Variants in CSRNP3 observed in about 807,000 individuals in gnomAD.
The protein encoded by CSRNP3 is cysteine and serine rich nuclear protein 3.
CSRNP3 carries 12 observed loss-of-function variants against 48.0 expected under a neutral mutation model. The observed-to-expected ratio is 0.25, with a 90% CI of 0.16 to 0.41. The LOEUF (loss-of-function observed/expected upper bound fraction) is 0.41. CSRNP3 is among the 10% of genes least tolerant of loss of function. The pLI, the probability that CSRNP3 is intolerant of heterozygous loss-of-function variation, is 1.00. For missense variants in CSRNP3, 580 were observed against 724.4 expected (o/e 0.80, Z 2.29); for synonymous variants, 263 against 269.7 (o/e 0.98, Z 0.24).
chr2:165,599,509 T>G (rs1442081011), intron 4 of CSRNP3, among the ~76,000 whole-genome samples: 1 of 152,096 alleles, frequency 6.6e-6, no homozygotes, highest in Non-Finnish European at 1.5e-5. Flanking sequence ...CAGACTGGTC[T>G]CAAACTACTG....
chr2:165,477,373 C>G (rs1402754289), intron 1 of CSRNP3, among the ~76,000 whole-genome samples: 4 of 150,242 alleles, frequency 2.7e-5, no homozygotes, highest in African/African-American at 7.3e-5. Flanking sequence ...AATCCCAGCA[C>G]TTTGGGAGGC....
At chr2:165,651,834 T>G (rs920828507) in intron 4 of CSRNP3, among the ~76,000 whole-genome samples, 2 of 152,032 alleles carry the variant, frequency 1.3e-5, no homozygotes, top group Non-Finnish European at 1.5e-5. Context: ...TTTTGTATTT[T>G]TAGTAGAGAC....
At chr2:165,599,284 A>AGAAAGAAAGAAAGAAAGAAC (rs1685864571) in intron 4 of CSRNP3, among the ~76,000 whole-genome samples, 1 of 5,100 alleles carries the variant, frequency 2.0e-4, no homozygotes, top group South Asian at 0.011. Flanking sequence ...AGAGAGAGAG[A>AGAAAGAAAGAAAGAAAGAAC]GAAAGAAAGA....
chr2:165,540,986 G>A (rs1172834407), intron 3 of CSRNP3, among the ~76,000 whole-genome samples: 1 of 152,028 alleles, frequency 6.6e-6, no homozygotes, highest in Admixed American at 6.6e-5. Flanking sequence ...TCTCTGAAGA[G>A]TATGGCCTTC....
At chr2:165,515,338 C>CCTATATATAT (rs757087757) in intron 2 of CSRNP3, among the ~76,000 whole-genome samples, 1 of 142,428 alleles carries the variant, frequency 7.0e-6, no homozygotes, top group Admixed American at 7.1e-5. Flanking sequence ...AAAAAAAATA[C>CCTATATATAT]ATATATATAT....
intron 3 of CSRNP3, chr2:165,574,103 C>T (rs1685411199): frequency 2.2e-6 from 1 of 457,884 alleles, no homozygotes; most frequent in African/African-American, 2.0e-5. Context: ...ACTCCCCATC[C>T]TGTATTCCTG....
chr2:165,654,024 A>C (rs1480719001), intron 4 of CSRNP3, among the ~76,000 whole-genome samples: 1 of 144,436 alleles, frequency 6.9e-6, no homozygotes, highest in African/African-American at 2.5e-5. Context: ...AGAGGTGTGT[A>C]TAATAATGAT....
rs1280134777 is a variant in CSRNP3, at chr2:165,666,137, G to T, written c.408+8117G>T. The stretch of plus-strand genomic sequence containing the variant: ...AGAGAGAGAGAAAGGAAGGAAGGAA[G>T]GAAGGAAAGAGAGAGGAAGAAAGAG... On this transcript the variant is annotated intron_variant, in intron 5 of 6. Coordinates refer to ENST00000651982, the MANE Select transcript of CSRNP3 (RefSeq NM_001172173.2). Among the ~76,000 whole-genome samples, 5 of 122,126 alleles carry T rather than the reference G, an allele frequency of 4.1e-5. 1 individual carries two copies. The highest frequency in any genetic ancestry group is 8.5e-5 in the Non-Finnish European group (5 of 58,836). The allele number at this position is 122,126 out of a possible 152,430, so 80.1% of individuals were successfully genotyped here.
intron 3 of CSRNP3, among the ~76,000 whole-genome samples, chr2:165,536,441 T>C (rs1048026172): frequency 2.6e-5 from 4 of 151,954 alleles, no homozygotes; most frequent in African/African-American, 7.2e-5. Context: ...TTTCACATGA[T>C]TCTGCCTGTC....
At chr2:165,585,944 T>C (rs973808767) in intron 3 of CSRNP3, among the ~76,000 whole-genome samples, 4 of 152,184 alleles carry the variant, frequency 2.6e-5, no homozygotes, top group Non-Finnish European at 4.4e-5. Context: ...CTATTGTTCC[T>C]GATAGAATAC....
chr2:165,469,702 T>G lies in CSRNP3; in HGVS notation c.-321T>G, dbSNP rs1222724161. Reference sequence around the variant, plus strand: ...AGGGAGGAGTGTACTCTCTTCAGTGTGTTCTGACGGAGCCGAAGTACAGAA... The same window carrying G: ...AGGGAGGAGTGTACTCTCTTCAGTGGGTTCTGACGGAGCCGAAGTACAGAA... On this transcript the variant is annotated 5_prime_UTR_variant, in exon 1 of 7. Transcript: ENST00000651982. 1 of 152,452 alleles carries G rather than the reference T, an allele frequency of 6.6e-6. No homozygotes were observed. The highest frequency in any genetic ancestry group is 1.5e-5 in the Non-Finnish European group (1 of 67,986). 9.4% of individuals were successfully genotyped at this position (152,452 alleles called of 1,614,324 possible).
At chr2:165,613,084 TA>T (rs1686167521) in intron 4 of CSRNP3, among the ~76,000 whole-genome samples, 1 of 152,196 alleles carries the variant, frequency 6.6e-6, no homozygotes, top group African/African-American at 2.4e-5. Context: ...CAGCACTTGT[TA>T]TTTTTTTGTC....
intron 4 of CSRNP3, among the ~76,000 whole-genome samples, chr2:165,644,699 G>C (rs1686783113): frequency 6.6e-6 from 1 of 152,116 alleles, no homozygotes; most frequent in South Asian, 2.1e-4. Flanking sequence ...AAGGCTTCCT[G>C]GTGGTGACAT....
chr2:165,592,741 T>C (rs1317921789), intron 3 of CSRNP3, among the ~76,000 whole-genome samples: 1 of 152,118 alleles, frequency 6.6e-6, no homozygotes, highest in African/African-American at 2.4e-5. Flanking sequence ...TCTGCCATGA[T>C]TGTAAGTTTC....
chr2:165,677,994 C>T (rs77067263), intron 6 of CSRNP3, among the ~76,000 whole-genome samples: 9,069 of 152,122 alleles, frequency 0.06, 410 homozygotes, highest in East Asian at 0.24. Context: ...GAAGGGGGGA[C>T]TCAGGACCTA....
At chr2:165,496,384 G>C (rs1014108059) in intron 2 of CSRNP3, among the ~76,000 whole-genome samples, 4 of 151,974 alleles carry the variant, frequency 2.6e-5, no homozygotes, top group African/African-American at 9.7e-5. Flanking sequence ...CTTGTAGATG[G>C]CACTGATATT....
intron 3 of CSRNP3, among the ~76,000 whole-genome samples, chr2:165,591,545 G>A (rs528142297): frequency 6.6e-6 from 1 of 152,228 alleles, no homozygotes; most frequent in African/African-American, 2.4e-5. Context: ...GGCCTAGGAG[G>A]AAAAAATGGT....
At chr2:165,530,386 T>C (rs1684795411) in intron 3 of CSRNP3, among the ~76,000 whole-genome samples, 3 of 152,102 alleles carry the variant, frequency 2.0e-5, no homozygotes, top group Admixed American at 2.0e-4. Flanking sequence ...TTTAATAAAA[T>C]TGTAACTCCT....
chr2:165,599,446 C>T (rs1420925834), intron 4 of CSRNP3, among the ~76,000 whole-genome samples: 3 of 152,066 alleles, frequency 2.0e-5, no homozygotes, highest in Admixed American at 6.5e-5. Flanking sequence ...CACACCACTG[C>T]ACCAGGCCAA....
Sources: allele counts gnomAD v4.1 joint callset (sites outside exome capture counted in the v4.1 genomes callset), GRCh38; gene constraint gnomAD v4.1.1; transcripts MANE v1.5; gene names NCBI Gene and HGNC (gene_info 2026-07-23, HGNC 2026-07-21).